Variants in DVL2 observed in about 807,000 individuals in gnomAD.
DVL2 encodes the protein segment polarity protein dishevelled homolog DVL-2.
Under a neutral mutation model 69.8 loss-of-function variants are expected in DVL2, and 38 were observed. The ratio of observed to expected loss-of-function variants is 0.54; its 90% confidence interval spans 0.42 to 0.71. DVL2 has a LOEUF of 0.71. Ranked by LOEUF, DVL2 falls within the 30% of genes least tolerant of loss-of-function variation. The pLI is 0.00. For synonymous variants in DVL2, 428 were observed against 392.4 expected (o/e 1.09, Z -1.07); for missense variants, 931 against 1,008.1 (o/e 0.92, Z 1.04).
Position 7,234,438 on chromosome 17 carries a change from C to G in DVL2, c.-176G>C. ...GAGGGTGGCGGCGGGGGGCGGGCCG[C>G]GGGGTGCGACTCAAAGCCCCGGTCT... On this transcript the variant is annotated 5_prime_UTR_variant, in exon 1 of 15. Transcript: ENST00000005340. The G allele has an allele frequency of 1.4e-6, 1 of 734,162 alleles. No homozygotes were observed. 45.5% of individuals were successfully genotyped at this position (734,162 alleles called of 1,614,324 possible). A position where few individuals can be genotyped will look rare whatever the true frequency, so the allele number is the denominator to read the frequency against.
rs775801245 is a variant in DVL2 at position 7,226,238 on chromosome 17, T to C, written c.1838A>G (p.Glu613Gly). Residue 613 changes from glutamate to glycine, a missense_variant, in exon 15 of 15, where the codon GAG becomes GGG. This residue lies in a region of DVL2 where 314 missense variants were observed against 313.7 expected (regional missense o/e 1.00). Coordinates refer to ENST00000005340, the MANE Select transcript of DVL2 (RefSeq NM_004422.3). ...CTCACTGCCACTGCCGGACTTGGAC[T>C]CGGGGGCCCGCTCCTCGGGCCTCCC... ...RTGRPEERAP[E>G]SKSGSGSESE... 1 of 1,611,740 alleles carries C rather than the reference T, an allele frequency of 6.2e-7. No individual in the cohort carries two copies. Among genetic ancestry groups the C allele is most frequent in the East Asian group, 2.2e-5 (1 of 44,852 alleles).
chr17:7,226,463 A>G lies in DVL2; in HGVS notation c.1720T>C (p.Tyr574His). The change falls in exon 14 of 15, where the codon TAC becomes CAC. Residue 574 changes from tyrosine (Y) to histidine (H), a missense_variant. Tyr to His is a moderately conservative substitution (Grantham distance 83). This residue lies in a region of DVL2 where 314 missense variants were observed against 313.7 expected (regional missense o/e 1.00). Coordinates refer to ENST00000005340, the MANE Select transcript of DVL2 (RefSeq NM_004422.3). ...QPPPYHELSSYTYGGGSASSQ... is the reference protein window; with the variant it reads ...QPPPYHELSSHTYGGGSASSQ... ...CTGGCACTGCCCCCACCATAGGTGT[A>G]AGATGAAAGCTCATGGTAGGGTGGA... is the stretch of plus-strand genomic sequence containing the variant. 3.2e-6 allele frequency: 5 copies of G among 1,557,680 alleles called. No homozygotes were observed. The highest frequency in any genetic ancestry group is 4.3e-6 in the Non-Finnish European group (5 of 1,153,090).
chr17:7,233,921 G>A (rs1160360407), intron 1 of DVL2, 148 bp downstream of exon 1: 2 of 816,668 alleles, frequency 2.4e-6, no homozygotes, highest in African/African-American at 1.7e-5. Flanking sequence ...GTCCATCCTG[G>A]GATAGTCAAC....
chr17:7,225,589 T>C lies in DVL2; in HGVS notation c.*276A>G. The C allele has an allele frequency of 2.0e-6, 1 of 499,940 alleles. No homozygotes were observed. The highest frequency in any genetic ancestry group is 3.6e-6 in the Non-Finnish European group (1 of 281,602). The allele number at this position is 499,940 out of a possible 1,614,324, so 31.0% of individuals were successfully genotyped here. A position where few individuals can be genotyped will look rare whatever the true frequency, so the allele number is the denominator to read the frequency against. On this transcript the variant is annotated 3_prime_UTR_variant, in exon 15 of 15. Transcript: ENST00000005340. Reference sequence around the variant, plus strand: ...GGAATTCTTCATATAAAAGAGGAAATGCCTATTAAAAAAGTCCCAAAAATG... The same window carrying C: ...GGAATTCTTCATATAAAAGAGGAAACGCCTATTAAAAAAGTCCCAAAAATG...
At position 7,234,051 on chromosome 17, in the gene DVL2, T is replaced by C. The variant is rs1292310822; in HGVS notation, c.194+18A>G. 6.2e-7 allele frequency: 1 copy of C among 1,613,138 alleles called. No individual in the cohort carries two copies. The highest frequency in any genetic ancestry group is 1.3e-5 in the African/African-American group (1 of 74,866). On this transcript the variant is annotated intron_variant, in intron 1 of 14. Transcript: ENST00000005340. ...TCTAGCAAAGCCCCCGCCGGTCCTA[T>C]CTAGGCCTTGCGCTCACCCGAAATC...
In DVL2 at chr17:7,229,300, A is replaced by C. The variant is rs752151276; in HGVS notation, c.818-26T>G. The C allele has an allele frequency of 1.2e-6, 2 of 1,613,290 alleles. No homozygotes were observed. The highest frequency in any genetic ancestry group is 3.3e-5 in the Admixed American group (2 of 59,922). On this transcript the variant is annotated intron_variant, in intron 7 of 14. Transcript: ENST00000005340. The surrounding 1 kb of genome is among the most constrained non-coding windows in gnomAD (Gnocchi z 4.4). Reference sequence around the variant, plus strand: ...CTGTGGAGAGAGGCCATGTGAAAAGAGGAGCCCCTGCCACAGGACGCCCGG... The same window carrying C: ...CTGTGGAGAGAGGCCATGTGAAAAGCGGAGCCCCTGCCACAGGACGCCCGG...
chr17:7,233,940 G>T, intron 1 of DVL2, 129 bp downstream of exon 1: 2 of 981,586 alleles, frequency 2.0e-6, no homozygotes, highest in Non-Finnish European at 3.1e-6. Context: ...ACCTACCTCA[G>T]CATAGTACAA....
At chr17:7,227,065 C>T (rs1268662427) in intron 13 of DVL2, 25 bp downstream of exon 13, 3 of 1,588,258 alleles carry the variant, frequency 1.9e-6, no homozygotes, top group Non-Finnish European at 8.6e-7. Flanking sequence ...AGCCACACTC[C>T]CAGAGTTGGG....
rs368505041 is a variant in DVL2 at position 7,230,306 on chromosome 17, T to C, written c.389A>G (p.Asp130Gly). 17 of 1,613,580 alleles carry C rather than the reference T, an allele frequency of 1.1e-5. No individual in the cohort carries two copies. The highest frequency in any genetic ancestry group is 1.4e-5 in the Non-Finnish European group (17 of 1,179,892). ...TCACTGGAAGGATGGAGGCCTTGAG[T>C]CCCCAATGCCGCTGGTCCTCTCGGG... Reference protein sequence around the residue: ...LPPERTSGIGDSRPPSFHPNV... With the variant: ...LPPERTSGIGGSRPPSFHPNV... Residue 130 changes from aspartate (D) to glycine (G), a missense_variant, in exon 3 of 15, where the codon GAC (aspartate) becomes GGC (glycine). By Grantham distance (94) the Asp-to-Gly change is moderately conservative. Around this residue, in one of 3 missense-constraint regions of DVL2, gnomAD observed 555 missense variants for 588.8 expected, o/e 0.94. Coordinates refer to ENST00000005340, the MANE Select transcript of DVL2 (RefSeq NM_004422.3).
At position 7,227,787 on chromosome 17, in the gene DVL2, G is replaced by C; in HGVS notation, c.1103-4C>G. 1 of 1,566,440 alleles carries C rather than the reference G, an allele frequency of 6.4e-7. No individual in the cohort carries two copies. Among genetic ancestry groups the C allele is most frequent in the Non-Finnish European group, 8.7e-7 (1 of 1,155,184 alleles). ...TCAATTGGCTGGATGGGCTCATCTG[G>C]GACAAAGATGGCACCAAAATGACCC... On this transcript the variant is annotated splice_polypyrimidine_tract_variant and splice_region_variant and intron_variant, in intron 10 of 14. Coordinates refer to ENST00000005340, the MANE Select transcript of DVL2 (RefSeq NM_004422.3).
In DVL2 at chr17:7,227,085, C is replaced by G. The variant is rs772957476; in HGVS notation, c.1543+5G>C. The G allele has an allele frequency of 6.2e-7, 1 of 1,604,138 alleles. No individual in the cohort carries two copies. The highest frequency in any genetic ancestry group is 1.7e-5 in the Admixed American group (1 of 59,136). ...CACTCCCAGAGTTGGGGCAGGGGGA[C>G]TTACAGCTCTCACAGCCACCACTGA... is the stretch of plus-strand genomic sequence containing the variant. On this transcript the variant is annotated splice_donor_5th_base_variant and intron_variant, in intron 13 of 14. Transcript: ENST00000005340.
At chr17:7,226,696 G>C (rs2071457060) in intron 13 of DVL2, 57 bp from the exon 14 acceptor site, 1 of 1,318,342 alleles carries the variant, frequency 7.6e-7, no homozygotes, top group Non-Finnish European at 1.0e-6. Flanking sequence ...AGGGCCCCAA[G>C]ACACCGAATG....
In DVL2 at chr17:7,229,007, G is replaced by C; in HGVS notation, c.996C>G (p.Asp332Glu). Residue 332 changes from aspartate (D) to glutamate (E), a missense_variant, in exon 9 of 15, where the codon GAC becomes GAG. Coordinates refer to ENST00000005340, the MANE Select transcript of DVL2 (RefSeq NM_004422.3). This position sits in a 1 kb window ranked among gnomAD's most constrained non-coding sequence, Gnocchi z 4.4. Reference sequence around the variant, plus strand: ...CAATGTCCCTCAGCACCCGCACAGCGTCATCGTTGCTCATGTTCTCAAAGT... The same window carrying C: ...CAATGTCCCTCAGCACCCGCACAGCCTCATCGTTGCTCATGTTCTCAAAGT... ...DMNFENMSND[D>E]AVRVLRDIVH... The C allele has an allele frequency of 6.2e-7, 1 of 1,614,172 alleles. No individual in the cohort carries two copies. Among genetic ancestry groups the C allele is most frequent in the Admixed American group, 1.7e-5 (1 of 60,026 alleles).
At chr17:7,228,759 T>C (rs553426072) in intron 9 of DVL2, 2 of 549,598 alleles carry the variant, frequency 3.6e-6, no homozygotes, top group African/African-American at 3.8e-5. Flanking sequence ...TTTTTCTATT[T>C]TTAGTAGAGA....
rs758475973 is a variant in DVL2, at chr17:7,229,664, G to A, written c.671C>T (p.Thr224Met). Reference protein sequence around the residue: ...EDTMSRFSSSTEQSSASRLLK... With the variant: ...EDTMSRFSSSMEQSSASRLLK... ...GAGGCGGGAGGCACTGCTCTGCTCC[G>A]TGGAGCTGCTGAACCTACCAGGAGG... The change falls in exon 6 of 15, where the codon ACG (threonine) becomes ATG (methionine). Residue 224 changes from threonine (T) to methionine (M), a missense_variant. By Grantham distance (81) the Thr-to-Met change is moderately conservative. Coordinates refer to ENST00000005340, the MANE Select transcript of DVL2 (RefSeq NM_004422.3). This position sits in a 1 kb window ranked among gnomAD's most constrained non-coding sequence, Gnocchi z 4.4. 3.2e-6 allele frequency: 5 copies of A among 1,552,098 alleles called. No individual in the cohort carries two copies. The highest frequency in any genetic ancestry group is 3.5e-6 in the Non-Finnish European group (4 of 1,148,428).
chr17:7,229,378 C>T lies in DVL2; in HGVS notation c.817G>A (p.Glu273Lys), dbSNP rs1450401327. 4 of 1,613,940 alleles carry T rather than the reference C, an allele frequency of 2.5e-6. No homozygotes were observed. The highest frequency in any genetic ancestry group is 4.5e-5 in the East Asian group (2 of 44,882). ...CCCTAGCCACAGGCTCTCCCCATAC[C>T]CATGTTTAGCGTGACTGTGATGATA... ...LNIITVTLNM[E>K]KYNFLGISIV... The change falls in exon 7 of 15, where the codon GAG (glutamate) becomes AAG (lysine). Residue 273 changes from glutamate to lysine, a missense_variant and splice_region_variant. Around this residue, in one of 3 missense-constraint regions of DVL2, gnomAD observed 555 missense variants for 588.8 expected, o/e 0.94. Coordinates refer to ENST00000005340, the MANE Select transcript of DVL2 (RefSeq NM_004422.3). This position sits in a 1 kb window ranked among gnomAD's most constrained non-coding sequence, Gnocchi z 4.4.
In DVL2 at chr17:7,227,737, G is replaced by A. The variant is rs756045871; in HGVS notation, c.1149C>T (p.Ser383=). Residue 383 remains serine (S), a synonymous_variant, in exon 11 of 15, where the codon TCC becomes TCT. Transcript: ENST00000005340. Reference sequence around the variant, plus strand: ...CTGGGAAGGTGCCAGTCAGAGCCGCGGAATGGGACACCCAGGCAGCAGGGT... The same window carrying A: ...CTGGGAAGGTGCCAGTCAGAGCCGCAGAATGGGACACCCAGGCAGCAGGGT... ...PIDPAAWVSH[S]AALTGTFPAY... 31 of 1,601,008 alleles carry A rather than the reference G, an allele frequency of 1.9e-5. No homozygotes were observed. The highest frequency in any genetic ancestry group is 2.4e-5 in the Non-Finnish European group (28 of 1,173,820).
Position 7,230,431 on chromosome 17 carries a change from C to T in DVL2, c.265-1G>A. 6.2e-7 allele frequency: 1 copy of T among 1,613,986 alleles called. No homozygotes were observed. The highest frequency in any genetic ancestry group is 1.1e-5 in the South Asian group (1 of 91,082). On this transcript the variant is annotated splice_acceptor_variant, in intron 2 of 14. Coordinates refer to ENST00000005340, the MANE Select transcript of DVL2 (RefSeq NM_004422.3). LOFTEE classifies it high-confidence loss of function. ...GTTGGGGATTATCTGAGGACACCAG[C>T]TAGAAGGGTGCAAATGATAAACAGT...
chr17:7,230,410 G>A lies in DVL2; in HGVS notation c.285C>T (p.Pro95=), dbSNP rs1421067711. Residue 95 remains proline, a synonymous_variant, in exon 3 of 15, where the codon CCC becomes CCT. Transcript: ENST00000005340. ...VVSWLVSSDN[P]QPEMAPPVHE... Reference sequence around the variant, plus strand: ...GGACTGGAGGGGCCATCTCGGGTTGGGGATTATCTGAGGACACCAGCTAGA... The same window carrying A: ...GGACTGGAGGGGCCATCTCGGGTTGAGGATTATCTGAGGACACCAGCTAGA... 2 of 1,614,188 alleles carry A rather than the reference G, an allele frequency of 1.2e-6. No individual in the cohort carries two copies. The highest frequency in any genetic ancestry group is 1.1e-5 in the South Asian group (1 of 91,082).
Sources: allele counts gnomAD v4.1 joint callset, GRCh38; gene constraint gnomAD v4.1.1; regional missense constraint gnomAD v4.1.1; non-coding constraint Gnocchi (gnomAD v3.1); transcripts MANE v1.5; gene names NCBI Gene and HGNC (gene_info 2026-07-23, HGNC 2026-07-21).